PTPRD: variants seen among roughly 807,000 people sequenced by gnomAD.
The protein encoded by PTPRD is receptor-type tyrosine-protein phosphatase delta.
Under a neutral mutation model 214.5 loss-of-function variants are expected in PTPRD, and 34 were observed. The ratio of observed to expected loss-of-function variants is 0.16; its 90% confidence interval spans 0.12 to 0.21. The LOEUF (loss-of-function observed/expected upper bound fraction) is 0.21, where lower values mean the gene tolerates loss of function less well. Ranked by LOEUF, PTPRD falls within the 10% of genes least tolerant of loss-of-function variation. PTPRD has a pLI of 1.00. For synonymous variants in PTPRD, 1,128 were observed against 845.7 expected, an observed-to-expected ratio of 1.33 and a Z score of -5.79; for missense variants, 2,545 against 2,398.7, an observed-to-expected ratio of 1.06 and a Z score of -1.27.
At chr9:8,580,553 G>C (rs2092965272) in intron 14 of PTPRD, among the ~76,000 whole-genome samples, 1 of 152,168 alleles carries the variant, frequency 6.6e-6, no homozygotes, top group Admixed American at 6.5e-5. Context: ...GTACGTGATA[G>C]TCTGAACTAT....
At chr9:8,447,111 C>A (rs1044856690) in intron 34 of PTPRD, among the ~76,000 whole-genome samples, 1 of 152,184 alleles carries the variant, frequency 6.6e-6, no homozygotes, top group Non-Finnish European at 1.5e-5. Context: ...GAATTGCTTA[C>A]CTGAGCTAAA....
intron 12 of PTPRD, among the ~76,000 whole-genome samples, chr9:8,689,682 A>T (rs1463286684): frequency 6.6e-6 from 1 of 152,184 alleles, no homozygotes; most frequent in Non-Finnish European, 1.5e-5. Context: ...ACAATTCAAG[A>T]TGAGATTTGG....
intron 11 of PTPRD, among the ~76,000 whole-genome samples, chr9:8,948,795 A>G (rs1283959805): frequency 6.6e-6 from 1 of 150,972 alleles, no homozygotes; most frequent in African/African-American, 2.4e-5. Context: ...ACACAAAAGG[A>G]TGGATGAAGC....
At chr9:9,348,832 G>A (rs183353947) in intron 9 of PTPRD, among the ~76,000 whole-genome samples, 7 of 152,128 alleles carry the variant, frequency 4.6e-5, no homozygotes, top group Admixed American at 3.9e-4. Context: ...CCTAATTAGG[G>A]TGCTCTCTTA....
At chr9:8,617,279 C>G (rs1176143136) in intron 14 of PTPRD, among the ~76,000 whole-genome samples, 1 of 151,964 alleles carries the variant, frequency 6.6e-6, no homozygotes, top group African/African-American at 2.4e-5. Context: ...ATGAAGATGT[C>G]TACTCAGTGT....
At chr9:9,258,373 A>T (rs1393019264) in intron 9 of PTPRD, among the ~76,000 whole-genome samples, 1 of 151,904 alleles carries the variant, frequency 6.6e-6, no homozygotes, top group East Asian at 2.0e-4. Flanking sequence ...TATGGTTTGT[A>T]ATCTGTATTG....
chr9:9,350,920 T>C (rs1335988879), intron 9 of PTPRD, among the ~76,000 whole-genome samples: 10 of 152,056 alleles, frequency 6.6e-5, no homozygotes, highest in Admixed American at 5.9e-4. Context: ...TCATCAAAAA[T>C]GAACTCTGAT....
intron 3 of PTPRD, among the ~76,000 whole-genome samples, chr9:10,055,624 T>A (rs181813881): frequency 6.6e-6 from 1 of 152,172 alleles, no homozygotes; most frequent in East Asian, 1.9e-4. Flanking sequence ...ATCTGAGATT[T>A]CATTCAACTG....
At chr9:9,329,188 A>C (rs1489340052) in intron 9 of PTPRD, among the ~76,000 whole-genome samples, 2 of 152,158 alleles carry the variant, frequency 1.3e-5, no homozygotes, top group Admixed American at 1.3e-4. Context: ...GACATCACAG[A>C]AACAGGATAA....
intron 14 of PTPRD, among the ~76,000 whole-genome samples, chr9:8,568,643 T>C (rs914259539): frequency 9.9e-5 from 15 of 152,180 alleles, no homozygotes; most frequent in Non-Finnish European, 2.1e-4. Context: ...TATATCACTA[T>C]TAGACAGCCT....
intron 9 of PTPRD, among the ~76,000 whole-genome samples, chr9:9,395,423 C>T (rs2067430755): frequency 2.0e-5 from 3 of 152,056 alleles, no homozygotes; most frequent in African/African-American, 7.2e-5. Context: ...TGGGTACTAC[C>T]CAGGTCTAAC....
rs527777714 is a variant in PTPRD at position 9,561,375 on chromosome 9, G to A, written c.-237+13357C>T. On this transcript the variant is annotated intron_variant, in intron 8 of 45. Coordinates refer to ENST00000381196, the MANE Select transcript of PTPRD (RefSeq NM_002839.4). ...TCAAGCTGTAACCTAAACAGTGTGG[G>A]CACATGTTCTCAGGACTTCTTGCAA... Among the ~76,000 whole-genome samples the A allele has an allele frequency of 1.8e-3, 270 of 152,292 alleles. 1 individual carries two copies. The highest frequency in any genetic ancestry group is 0.015 in the South Asian group (72 of 4,828).
intron 11 of PTPRD, among the ~76,000 whole-genome samples, chr9:8,956,337 C>G (rs1340054434): frequency 6.6e-6 from 1 of 151,844 alleles, no homozygotes; most frequent in Non-Finnish European, 1.5e-5. Context: ...AAAAACCATC[C>G]ACTTTGGACT....
intron 5 of PTPRD, among the ~76,000 whole-genome samples, chr9:9,894,066 T>C (rs2074231111): frequency 6.6e-6 from 1 of 152,038 alleles, no homozygotes; most frequent in African/African-American, 2.4e-5. Context: ...TTCCTGCCTT[T>C]CCTTGGCCTC....
chr9:9,931,541 G>A (rs1220288562), intron 5 of PTPRD, among the ~76,000 whole-genome samples: 1 of 152,166 alleles, frequency 6.6e-6, no homozygotes, highest in Non-Finnish European at 1.5e-5. Context: ...CAGTGCACCA[G>A]GAGATTATAT....
chr9:10,296,570 A>G (rs141080084), intron 3 of PTPRD, among the ~76,000 whole-genome samples: 3 of 152,156 alleles, frequency 2.0e-5, no homozygotes, highest in African/African-American at 7.2e-5. Context: ...TGGCTGCAGC[A>G]CCCGATTAAA....
At chr9:9,755,523 C>A (rs923211608) in intron 6 of PTPRD, among the ~76,000 whole-genome samples, 1 of 152,144 alleles carries the variant, frequency 6.6e-6, no homozygotes, top group South Asian at 2.1e-4. Context: ...GGTTCACAAT[C>A]AGTTTTATAT....
chr9:9,130,119 C>A (rs1028997790), intron 10 of PTPRD, among the ~76,000 whole-genome samples: 1 of 152,020 alleles, frequency 6.6e-6, no homozygotes, highest in Admixed American at 6.6e-5. Context: ...AAAAGCTATT[C>A]CTGCACTGAA....
intron 2 of PTPRD, among the ~76,000 whole-genome samples, chr9:10,481,310 T>TAAAAC (rs958426250): frequency 1.3e-5 from 2 of 152,096 alleles, no homozygotes; most frequent in Non-Finnish European, 2.9e-5. Context: ...TAATAAAAAG[T>TAAAAC]AAAACAAAAC....
Sources: gnomAD v4.1 joint callset for allele counts (sites outside exome capture counted in the v4.1 genomes callset) on GRCh38, gnomAD v4.1.1 for gene constraint, MANE v1.5 for transcripts, NCBI Gene and HGNC (gene_info 2026-07-23, HGNC 2026-07-21) for gene names.